TPD52L1: variants seen among roughly 807,000 people sequenced by gnomAD.
TPD52L1 encodes the protein TPD52 like 1.
TPD52L1 carries 18 observed loss-of-function variants against 28.7 expected under a neutral mutation model. The observed-to-expected ratio is 0.63, with a 90% CI of 0.43 to 0.93. The LOEUF (loss-of-function observed/expected upper bound fraction) is 0.93, where lower values mean the gene tolerates loss of function less well. Among genes scored for constraint, TPD52L1 ranks in the 40% least tolerant of loss-of-function variants. The probability of loss-of-function intolerance (pLI) is 0.00; values close to 1 mark genes in which losing one functional copy is unlikely to be tolerated. For missense variants in TPD52L1, 203 were observed against 254.8 expected, an observed-to-expected ratio of 0.80 and a Z score of 1.39; for synonymous variants, 75 against 88.8, an observed-to-expected ratio of 0.84 and a Z score of 0.88.
intron 3 of TPD52L1, 53 bp downstream of exon 3, chr6:125,229,319 C>G: frequency 3.3e-6 from 5 of 1,514,354 alleles, no homozygotes; most frequent in Non-Finnish European, 4.4e-6. Flanking sequence ...TCTCCTCACT[C>G]TGTTGTGTTT....
chr6:125,155,615 G>A (rs756333248), intron 1 of TPD52L1, among the ~76,000 whole-genome samples: 14 of 152,216 alleles, frequency 9.2e-5, no homozygotes, highest in Admixed American at 3.3e-4. Flanking sequence ...TACAGTAGAG[G>A]AAGAGACAAA....
chr6:125,169,306 T>C (rs1461094048), intron 1 of TPD52L1, among the ~76,000 whole-genome samples: 1 of 152,180 alleles, frequency 6.6e-6, no homozygotes, highest in Non-Finnish European at 1.5e-5. Flanking sequence ...ACTCATGATT[T>C]TGAATTGGAT....
At chr6:125,240,097 TTA>T (rs1796528601) in intron 3 of TPD52L1, among the ~76,000 whole-genome samples, 3 of 152,216 alleles carry the variant, frequency 2.0e-5, no homozygotes, top group African/African-American at 7.2e-5. Context: ...TTTCCCCACT[TTA>T]TGTTTTTGTT....
chr6:125,154,546 T>C (rs1582814970), intron 1 of TPD52L1: 2 of 984,872 alleles, frequency 2.0e-6, no homozygotes, highest in African/African-American at 1.7e-5. Context: ...AGTCCCGGTT[T>C]CCGCGATCGG....
At chr6:125,230,107 G>C (rs2114989205) in intron 3 of TPD52L1, among the ~76,000 whole-genome samples, 1 of 152,110 alleles carries the variant, frequency 6.6e-6, no homozygotes, top group African/African-American at 2.4e-5. Context: ...AGGAAGAAAT[G>C]GTTTTTGCTT....
In TPD52L1 at chr6:125,258,769, A is replaced by G. The variant is rs6903846; in HGVS notation, c.486+1611A>G. ...CCTGCCGTCTCCTTCAGACATGCACATAACTAACCCAGCCCACTAGATACT... is the reference window on the plus strand; with the variant it reads ...CCTGCCGTCTCCTTCAGACATGCACGTAACTAACCCAGCCCACTAGATACT... On this transcript the variant is annotated intron_variant, in intron 6 of 6. Coordinates refer to ENST00000534000, the MANE Select transcript of TPD52L1 (RefSeq NM_003287.4). 9.5e-3 allele frequency among the ~76,000 whole-genome samples: 1,447 copies of G among 152,188 alleles called. 21 individuals are homozygous for G. The highest frequency in any genetic ancestry group is 0.033 in the African/African-American group (1,368 of 41,508).
chr6:125,238,426 T>C (rs1796409648), intron 3 of TPD52L1, among the ~76,000 whole-genome samples: 1 of 152,070 alleles, frequency 6.6e-6, no homozygotes, highest in Non-Finnish European at 1.5e-5. Context: ...TTTTCGGGGG[T>C]GATTTCTGAA....
At chr6:125,219,144 G>A (rs1795065649) in intron 1 of TPD52L1, among the ~76,000 whole-genome samples, 1 of 152,190 alleles carries the variant, frequency 6.6e-6, no homozygotes, top group African/African-American at 2.4e-5. Flanking sequence ...AATGCCAGCT[G>A]ACTGGAATCA....
intron 1 of TPD52L1, among the ~76,000 whole-genome samples, chr6:125,213,132 A>G (rs1794628637): frequency 2.0e-5 from 3 of 152,160 alleles, no homozygotes; most frequent in Admixed American, 2.0e-4. Flanking sequence ...TTTTTAACCT[A>G]TACTTGGTGT....
intron 1 of TPD52L1, among the ~76,000 whole-genome samples, chr6:125,214,058 C>T (rs945278049): frequency 6.6e-6 from 1 of 152,122 alleles, no homozygotes; most frequent in East Asian, 1.9e-4. Flanking sequence ...AGGGAGCTAC[C>T]TAATGGGAGC....
chr6:125,238,070 A>AT (rs1796381007), intron 3 of TPD52L1, among the ~76,000 whole-genome samples: 1 of 152,090 alleles, frequency 6.6e-6, no homozygotes, highest in Non-Finnish European at 1.5e-5. Flanking sequence ...GGAAGTCCAG[A>AT]TTTTTCTTTA....
At chr6:125,187,146 AT>A (rs1271418457) in intron 1 of TPD52L1, among the ~76,000 whole-genome samples, 1 of 152,242 alleles carries the variant, frequency 6.6e-6, no homozygotes, top group African/African-American at 2.4e-5. Context: ...GATAATTTGA[AT>A]GAGTAATTTA....
intron 1 of TPD52L1, among the ~76,000 whole-genome samples, chr6:125,164,974 A>G (rs965580236): frequency 2.0e-5 from 3 of 151,186 alleles, no homozygotes; most frequent in Non-Finnish European, 4.4e-5. Context: ...TAAGCTGATC[A>G]TGGTGGTGAG....
At chr6:125,215,972 G>A (rs1186511481) in intron 1 of TPD52L1, among the ~76,000 whole-genome samples, 1 of 152,152 alleles carries the variant, frequency 6.6e-6, no homozygotes, top group Non-Finnish European at 1.5e-5. Flanking sequence ...GGGCCAGGCT[G>A]AGTGGGGAGA....
At chr6:125,259,545 G>A (rs1259267988) in intron 6 of TPD52L1, among the ~76,000 whole-genome samples, 2 of 152,200 alleles carry the variant, frequency 1.3e-5, no homozygotes, top group Non-Finnish European at 2.9e-5. Context: ...ACAAGTAAAT[G>A]CAGAACGAAC....
intron 6 of TPD52L1, chr6:125,261,074 A>C (rs753530532): frequency 1.3e-4 from 19 of 151,770 alleles, no homozygotes; most frequent in Non-Finnish European, 2.2e-4. Context: ...AGGGGAAGGG[A>C]AGCCACGCTC....
At chr6:125,260,921 G>GAGGA (rs1797889647) in intron 6 of TPD52L1, 1 of 58,808 alleles carries the variant, frequency 1.7e-5, no homozygotes, top group African/African-American at 1.3e-4. Context: ...AAGAAAGAAA[G>GAGGA]AAGAAAGAAA....
Position 125,220,064 on chromosome 6 carries a change from A to C in TPD52L1, c.20-14A>C, listed in dbSNP as rs1795134621. The C allele has an allele frequency of 6.3e-7, 1 of 1,597,216 alleles. No individual in the cohort carries two copies. Among genetic ancestry groups the C allele is most frequent in the African/African-American group, 1.3e-5 (1 of 74,494 alleles). ...TTTAAAAATTGCCTTCTGTTTTATC[A>C]ATTCTGCCTAAAGGTTTGTTGGAGA... On this transcript the variant is annotated splice_polypyrimidine_tract_variant and intron_variant, in intron 1 of 6. Coordinates refer to ENST00000534000, the MANE Select transcript of TPD52L1 (RefSeq NM_003287.4).
At chr6:125,221,242 A>C (rs149962843) in intron 2 of TPD52L1, among the ~76,000 whole-genome samples, 160 of 152,350 alleles carry the variant, frequency 1.1e-3, no homozygotes, top group African/African-American at 3.8e-3. Flanking sequence ...TGATTTCAGT[A>C]AGCACAGTGC....
Sources: gnomAD v4.1 joint callset for allele counts (sites outside exome capture counted in the v4.1 genomes callset) on GRCh38, gnomAD v4.1.1 for gene constraint, MANE v1.5 for transcripts, NCBI Gene and HGNC (gene_info 2026-07-23, HGNC 2026-07-21) for gene names.